Variants in SRGAP3 observed in about 807,000 individuals in gnomAD.
SRGAP3 encodes the protein SLIT-ROBO Rho GTPase-activating protein 3.
SRGAP3 carries 39 observed loss-of-function variants against 121.1 expected under a neutral mutation model. The observed-to-expected ratio is 0.32, with a 90% CI of 0.25 to 0.42. The LOEUF (loss-of-function observed/expected upper bound fraction) is 0.42, where lower values mean the gene tolerates loss of function less well. Ranked by LOEUF, SRGAP3 falls within the 10% of genes least tolerant of loss-of-function variation. The pLI is 1.00. For synonymous variants in SRGAP3, 601 were observed against 570.0 expected (o/e 1.05, Z -0.77); for missense variants, 1,213 against 1,470.6 (o/e 0.82, Z 2.86).
chr3:9,047,323 C>T (rs1945336989), intron 10 of SRGAP3, 68 bp downstream of exon 10: 1 of 1,524,504 alleles, frequency 6.6e-7, no homozygotes, highest in South Asian at 1.1e-5. Context: ...CTCAACACGT[C>T]AGGGGGCCAC....
Position 8,985,568 on chromosome 3 carries a change from G to T in SRGAP3, c.3251C>A (p.Thr1084Asn), listed in dbSNP as rs1353694986. The change falls in exon 22 of 22, where the codon ACC becomes AAC. Residue 1084 changes from threonine to asparagine, a missense_variant. Around this residue, in one of 2 missense-constraint regions of SRGAP3, gnomAD observed 420 missense variants for 437.7 expected, o/e 0.96. Coordinates refer to ENST00000383836, the MANE Select transcript of SRGAP3 (RefSeq NM_014850.4). This position sits in a 1 kb window ranked among gnomAD's most constrained non-coding sequence, Gnocchi z 5.1. ...SGVGSPAVTP[T>N]EKMFPNSSAD... The stretch of plus-strand genomic sequence containing the variant: ...TGAGCTGTTGGGGAACATCTTCTCG[G>T]TGGGCGTCACGGCCGGGCTGCCCAC... 6.3e-7 allele frequency: 1 copy of T among 1,598,652 alleles called. No homozygotes were observed.
intron 1 of SRGAP3, among the ~76,000 whole-genome samples, chr3:9,147,475 G>A (rs1208834027): frequency 1.3e-5 from 2 of 152,072 alleles, no homozygotes; most frequent in East Asian, 3.9e-4. Flanking sequence ...CGGCTGTCAG[G>A]TGCTGTAGCC....
intron 18 of SRGAP3, 84 bp from the exon 19 acceptor site, chr3:8,994,607 C>A (rs1284518493): frequency 1.3e-6 from 2 of 1,555,336 alleles, no homozygotes; most frequent in Non-Finnish European, 1.8e-6. Flanking sequence ...CCTGGCTTCT[C>A]TGGGGAAGGA....
At chr3:9,309,768 A>T (rs1246403812) in intron 3 of SRGAP3, among the ~76,000 whole-genome samples, 1 of 152,162 alleles carries the variant, frequency 6.6e-6, no homozygotes, top group Non-Finnish European at 1.5e-5. Flanking sequence ...CTGTGGTGGG[A>T]GGACTGCTTG....
chr3:9,020,209 T>A (rs535922778), intron 14 of SRGAP3, among the ~76,000 whole-genome samples: 1 of 152,108 alleles, frequency 6.6e-6, no homozygotes, highest in African/African-American at 2.4e-5. Flanking sequence ...CTACCTGTGA[T>A]TTTTTGATCT....
chr3:9,248,772 C>G lies in SRGAP3; in HGVS notation c.67+113G>C. ...ACTCCTCACAAAAAGATTATTGATGCATAACATTTCATAATGGCAGAGAGG... is the reference window on the plus strand; with the variant it reads ...ACTCCTCACAAAAAGATTATTGATGGATAACATTTCATAATGGCAGAGAGG... On this transcript the variant is annotated intron_variant, in intron 1 of 21. Transcript: ENST00000383836. 2.8e-6 allele frequency: 3 copies of G among 1,060,954 alleles called. No homozygotes were observed. The South Asian group carries it at 3.9e-5, about 14-fold the overall frequency. 65.7% of individuals were successfully genotyped at this position (1,060,954 alleles called of 1,614,324 possible).
intron 1 of SRGAP3, among the ~76,000 whole-genome samples, chr3:9,176,445 G>A (rs1951184093): frequency 6.6e-6 from 1 of 152,182 alleles, no homozygotes. Context: ...TCCAAAAGGA[G>A]CACAGATTAG....
intron 3 of SRGAP3, among the ~76,000 whole-genome samples, chr3:9,258,057 A>C (rs1422492123): frequency 1.3e-5 from 2 of 152,160 alleles, no homozygotes; most frequent in Non-Finnish European, 2.9e-5. Context: ...GATATGCACA[A>C]TCATGAACTG....
chr3:9,306,141 A>T (rs1955157351), intron 3 of SRGAP3, among the ~76,000 whole-genome samples: 1 of 152,154 alleles, frequency 6.6e-6, no homozygotes, highest in Non-Finnish European at 1.5e-5. Flanking sequence ...TGTGGTTTTG[A>T]TCTGCATTTC....
intron 1 of SRGAP3, among the ~76,000 whole-genome samples, chr3:9,184,583 A>G (rs537487053): frequency 2.0e-5 from 3 of 152,324 alleles, no homozygotes; most frequent in Admixed American, 2.0e-4. Context: ...TATTATTATT[A>G]GAAATGCAGA....
chr3:9,090,427 A>C (rs949079861), intron 3 of SRGAP3, among the ~76,000 whole-genome samples: 3 of 152,156 alleles, frequency 2.0e-5, no homozygotes, highest in Non-Finnish European at 4.4e-5. Flanking sequence ...AATCAAGTGA[A>C]CATTAATTCA....
intron 3 of SRGAP3, chr3:9,256,911 T>C (rs1266152483): frequency 2.5e-6 from 1 of 398,534 alleles, no homozygotes; most frequent in Non-Finnish European, 4.4e-6. Flanking sequence ...AGAAACAGAA[T>C]AACAAGAATA....
rs1271367394 is a variant in SRGAP3, at chr3:9,109,026, G to A, written c.261-4184C>T. ...TGAACTGAGATAAGAACTGCAAGGG[G>A]AGCAGTAGGTTTGGACAGAAAATGC... On this transcript the variant is annotated intron_variant, in intron 2 of 21. Transcript: ENST00000383836. This position sits in a 1 kb window ranked among gnomAD's most constrained non-coding sequence, Gnocchi z 4.4. Among the ~76,000 whole-genome samples the A allele has an allele frequency of 2.0e-5, 3 of 152,200 alleles. No individual in the cohort carries two copies. Among genetic ancestry groups the A allele is most frequent in the Non-Finnish European group, 2.9e-5 (2 of 68,028 alleles).
At position 9,282,702 on chromosome 3, in the gene SRGAP3, G is replaced by A. The variant is rs184541268; in HGVS notation, n.442+43308C>T. On this transcript the variant is annotated intron_variant and non_coding_transcript_variant, in intron 3 of 3. Coordinates refer to the SRGAP3 transcript ENST00000490889. ...GACAGGGTTTGGCCAAGCTGGTCTC[G>A]AACTCCTGACCTCAAGTGATTCGCC... is the stretch of plus-strand genomic sequence containing the variant. Among the ~76,000 whole-genome samples, 1,063 of 151,982 alleles carry A rather than the reference G, an allele frequency of 7.0e-3. 11 individuals carry two copies. Among genetic ancestry groups the A allele is most frequent in the African/African-American group, 0.025 (1,021 of 41,442 alleles).
In SRGAP3 at chr3:9,228,801, G is replaced by A. The variant is rs181212057; in HGVS notation, c.67+20084C>T. 1.1e-3 allele frequency among the ~76,000 whole-genome samples: 164 copies of A among 152,024 alleles called. 1 individual carries two copies. Among genetic ancestry groups the A allele is most frequent in the African/African-American group, 3.9e-3 (161 of 41,454 alleles). ...TCTAGGCCGGGCGCGGTGGGCTCAC[G>A]CCTGTAATCCCAGCACTTTGGGAGG... On this transcript the variant is annotated intron_variant, in intron 1 of 21. Transcript: ENST00000383836.
chr3:9,199,060 GC>G lies in SRGAP3; in HGVS notation c.67+49824del, dbSNP rs772848353. 6.4e-3 allele frequency among the ~76,000 whole-genome samples: 969 copies of G among 151,930 alleles called. 14 individuals are homozygous for G. Among genetic ancestry groups the G allele is most frequent in the African/African-American group, 0.021 (885 of 41,406 alleles). The stretch of plus-strand genomic sequence containing the variant: ...TCCTTCCTGTCCCCATCCAATATCT[GC>G]CCCCCCTTCCCATCCTTTTTAAGCC... On this transcript the variant is annotated intron_variant, in intron 1 of 21. Coordinates refer to ENST00000383836, the MANE Select transcript of SRGAP3 (RefSeq NM_014850.4).
intron 3 of SRGAP3, among the ~76,000 whole-genome samples, chr3:9,276,010 G>A (rs1954568578): frequency 1.3e-5 from 2 of 152,022 alleles, no homozygotes; most frequent in African/African-American, 4.8e-5. Context: ...GACAAGCCTG[G>A]GCAACATAGC....
rs755104338 is a variant in SRGAP3 at position 9,068,413 on chromosome 3, C to T, written c.487-3832G>A. Among the ~76,000 whole-genome samples the T allele has an allele frequency of 6.6e-5, 10 of 152,234 alleles. No homozygotes were observed. The East Asian group carries it at 1.5e-3, about 23-fold the overall frequency. The stretch of plus-strand genomic sequence containing the variant: ...GCCACAGAGTACTCTTCCTGCCCTC[C>T]GACAGGCCAAACTTCCCAGACAGCC... On this transcript the variant is annotated intron_variant, in intron 4 of 21. Coordinates refer to ENST00000383836, the MANE Select transcript of SRGAP3 (RefSeq NM_014850.4).
intron 4 of SRGAP3, among the ~76,000 whole-genome samples, chr3:9,076,423 T>C (rs1369812756): frequency 7.0e-6 from 1 of 142,512 alleles, no homozygotes; most frequent in Admixed American, 7.0e-5. Flanking sequence ...TGGCTACAGA[T>C]GTTAGGATCA....
Sources: allele counts gnomAD v4.1 joint callset (sites outside exome capture counted in the v4.1 genomes callset), GRCh38; gene constraint gnomAD v4.1.1; regional missense constraint gnomAD v4.1.1; non-coding constraint Gnocchi (gnomAD v3.1); transcripts MANE v1.5; gene names NCBI Gene and HGNC (gene_info 2026-07-23, HGNC 2026-07-21).